The following METTL14 variants were observed in gnomAD, a reference collection of about 807,000 sequenced individuals.
METTL14 encodes N(6)-adenosine-methyltransferase non-catalytic subunit METTL14.
Under a neutral mutation model 62.4 loss-of-function variants are expected in METTL14, and 32 were observed. The observed-to-expected ratio is 0.51, with a 90% CI of 0.39 to 0.69. METTL14 has a LOEUF of 0.69. Among genes scored for constraint, METTL14 ranks in the 30% least tolerant of loss-of-function variants. The probability of loss-of-function intolerance (pLI) is 0.00; values close to 1 mark genes in which losing one functional copy is unlikely to be tolerated. For synonymous variants in METTL14, 150 were observed against 180.0 expected, an observed-to-expected ratio of 0.83 and a Z score of 1.34; for missense variants, 340 against 551.9, an observed-to-expected ratio of 0.62 and a Z score of 3.85.
At chr4:118,690,415 A>G (rs1198828867) in intron 3 of METTL14, among the ~76,000 whole-genome samples, 1 of 151,982 alleles carries the variant, frequency 6.6e-6, no homozygotes, top group Non-Finnish European at 1.5e-5. Context: ...GTGGTGCCTC[A>G]CGCTTGTAAT....
Position 118,703,942 on chromosome 4 carries a change from G to A in METTL14, c.746G>A (p.Arg249Gln). The change falls in exon 9 of 11, where the codon CGA becomes CAA. Residue 249 changes from arginine to glutamine, a missense_variant. By Grantham distance (43) the Arg-to-Gln change is conservative. Transcript: ENST00000388822. ...AAATTCTTTTGTTTCTAGTGTTTAC[G>A]AAAATGGGGTTACAGAAGATGTGAA... ...EGLDLGRVCL[R>Q]KWGYRRCEDI... is the part of the protein sequence containing the mutation. 1 of 1,551,276 alleles carries A rather than the reference G, an allele frequency of 6.4e-7. No individual in the cohort carries two copies. Among genetic ancestry groups the A allele is most frequent in the Non-Finnish European group, 8.7e-7 (1 of 1,153,758 alleles).
rs776391572 is a variant in METTL14, at chr4:118,685,565, C to T, written c.31C>T (p.Arg11Trp). The change falls in exon 1 of 11, where the codon CGG becomes TGG. Residue 11 changes from arginine to tryptophan, a missense_variant. Physicochemically the swap from Arg to Trp is moderately radical, Grantham distance 101. This residue lies in a region of METTL14 where 111 missense variants were observed against 116.6 expected (regional missense o/e 0.95). Coordinates refer to ENST00000388822, the MANE Select transcript of METTL14 (RefSeq NM_020961.4). Reference protein sequence around the residue: MDSRLQEIRERQKLRRQLLAQ... With the variant: MDSRLQEIREWQKLRRQLLAQ... ...TAGCCGCTTGCAGGAGATCCGGGAGCGGCAGAAGTTACGGCGACAGCTCCT... is the reference window on the plus strand; with the variant it reads ...TAGCCGCTTGCAGGAGATCCGGGAGTGGCAGAAGTTACGGCGACAGCTCCT... 1.9e-6 allele frequency: 3 copies of T among 1,614,144 alleles called. No homozygotes were observed. Among genetic ancestry groups the T allele is most frequent in the Non-Finnish European group, 2.5e-6 (3 of 1,180,010 alleles).
chr4:118,697,275 C>T lies in METTL14; in HGVS notation c.597C>T (p.Tyr199=), dbSNP rs1263929481. 3 of 1,610,952 alleles carry T rather than the reference C, an allele frequency of 1.9e-6. No individual in the cohort carries two copies. In the African/African-American group the frequency reaches 4.0e-5, roughly 22 times the overall value. The part of the protein sequence containing the change: ...ILLEPPLEEY[Y]RETGITANEK... ...TGGAACCCCCTTTAGAAGAATATTA[C>T]AGAGAAACTGGCATCACTGCTAATG... The change falls in exon 7 of 11, where the codon TAC becomes TAT. Residue 199 remains tyrosine, a synonymous_variant. Transcript: ENST00000388822.
intron 8 of METTL14, among the ~76,000 whole-genome samples, chr4:118,702,118 CT>C (rs70944803): frequency 0.27 from 34,080 of 128,436 alleles, 3,493 homozygotes; most frequent in Non-Finnish European, 0.33. Context: ...AGGTTTTTAT[CT>C]TTTTTTTTTT....
chr4:118,713,406 T>TA lies in METTL14; in HGVS notation c.*3105dup, dbSNP rs1198053524. On this transcript the variant is annotated 3_prime_UTR_variant, in exon 11 of 11. Coordinates refer to ENST00000388822, the MANE Select transcript of METTL14 (RefSeq NM_020961.4). ...ATTGCTAAATTATCTTTCAGTTAGT[T>TA]ACAGCGCTTAATTTAAAACCTGTAC... 2 of 152,220 alleles carry TA rather than the reference T, an allele frequency of 1.3e-5. No homozygotes were observed. Among genetic ancestry groups the TA allele is most frequent in the African/African-American group, 4.8e-5 (2 of 41,464 alleles). 9.4% of individuals were successfully genotyped at this position (152,220 alleles called of 1,614,324 possible). A position where few individuals can be genotyped will look rare whatever the true frequency, so the allele number is the denominator to read the frequency against.
chr4:118,698,962 T>C (rs75604802), intron 7 of METTL14, among the ~76,000 whole-genome samples: 1 of 152,106 alleles, frequency 6.6e-6, no homozygotes, highest in Non-Finnish European at 1.5e-5. Context: ...ACATTTACAT[T>C]TAAAGACTAC....
rs544676667 is a variant in METTL14, at chr4:118,714,707, C to T, written c.*4405C>T. 1 of 152,364 alleles carries T rather than the reference C, an allele frequency of 6.6e-6. No individual in the cohort carries two copies. Among genetic ancestry groups the T allele is most frequent in the South Asian group, 2.1e-4 (1 of 4,824 alleles). 9.4% of individuals were successfully genotyped at this position (152,364 alleles called of 1,614,324 possible). ...GTTGAAGCGATTCTTCTGCCTCAGC[C>T]TCCTGAGTAGCTGGAATTACAGGTG... On this transcript the variant is annotated 3_prime_UTR_variant, in exon 11 of 11. Transcript: ENST00000388822.
At chr4:118,691,878 A>G (rs1724257159) in intron 4 of METTL14, 103 bp from the exon 5 acceptor site, 2 of 746,956 alleles carry the variant, frequency 2.7e-6, no homozygotes, top group East Asian at 5.5e-5. Flanking sequence ...TAAATCTATC[A>G]ATTGATTGCA....
At chr4:118,705,923 C>A in intron 10 of METTL14, 102 bp downstream of exon 10, 1 of 911,162 alleles carries the variant, frequency 1.1e-6, no homozygotes, top group Non-Finnish European at 1.7e-6. Flanking sequence ...GCATTTGATT[C>A]CTTTTCTTGC....
At chr4:118,685,887 G>C (rs1724040323) in intron 1 of METTL14, among the ~76,000 whole-genome samples, 1 of 152,118 alleles carries the variant, frequency 6.6e-6, no homozygotes, top group Non-Finnish European at 1.5e-5. Context: ...GTTCACGCCA[G>C]GATGAGTGTC....
At chr4:118,699,577 A>C (rs1393841124) in intron 7 of METTL14, among the ~76,000 whole-genome samples, 1 of 152,198 alleles carries the variant, frequency 6.6e-6, no homozygotes, top group Non-Finnish European at 1.5e-5. Context: ...GTTTGCTCAA[A>C]AGAAAAAATT....
At chr4:118,697,110 T>C in intron 6 of METTL14, 72 bp from the exon 7 acceptor site, 2 of 1,139,682 alleles carry the variant, frequency 1.8e-6, no homozygotes, top group Non-Finnish European at 2.5e-6. Flanking sequence ...TTACCATCTG[T>C]TAAGGTACTT....
intron 10 of METTL14, among the ~76,000 whole-genome samples, chr4:118,706,552 C>T (rs1468352682): frequency 6.6e-6 from 1 of 152,188 alleles, no homozygotes; most frequent in Admixed American, 6.5e-5. Flanking sequence ...AATCTGTGTA[C>T]AGGTTTTTGT....
intron 7 of METTL14, among the ~76,000 whole-genome samples, chr4:118,700,182 A>G (rs1003895723): frequency 5.3e-5 from 8 of 152,150 alleles, no homozygotes; most frequent in African/African-American, 1.9e-4. Flanking sequence ...TGTCCCTAAC[A>G]TTGGGCTTAG....
chr4:118,686,140 C>T (rs143308435), intron 1 of METTL14, among the ~76,000 whole-genome samples: 247 of 152,274 alleles, frequency 1.6e-3, no homozygotes, highest in African/African-American at 5.6e-3. Context: ...CTGTGTTAGT[C>T]ACAATAATCT....
chr4:118,688,121 G>C, intron 2 of METTL14, 110 bp downstream of exon 2: 1 of 841,670 alleles, frequency 1.2e-6, no homozygotes, highest in Non-Finnish European at 1.8e-6. Context: ...CTGCAGCCTT[G>C]ACTCCTGGGC....
rs375650593 is a variant in METTL14 at position 118,692,146 on chromosome 4, T to G, written c.412+78T>G. On this transcript the variant is annotated intron_variant, in intron 5 of 10. Transcript: ENST00000388822. ...GTAATTTATCCAATTTGTGGATATTTCTAACAAAATTATTTCTCCAGCTTG... is the reference window on the plus strand; with the variant it reads ...GTAATTTATCCAATTTGTGGATATTGCTAACAAAATTATTTCTCCAGCTTG... 3.0e-5 allele frequency: 26 copies of G among 859,150 alleles called. 1 individual carries two copies. The African/African-American group carries it at 3.7e-4, about 12-fold the overall frequency. The allele number at this position is 859,150 out of a possible 1,614,324, so 53.2% of individuals were successfully genotyped here. A position where few individuals can be genotyped will look rare whatever the true frequency, so the allele number is the denominator to read the frequency against.
rs1725008506 is a variant in METTL14, at chr4:118,714,795, C to G, written c.*4493C>G. 1 of 152,232 alleles carries G rather than the reference C, an allele frequency of 6.6e-6. No individual in the cohort carries two copies. 9.4% of individuals were successfully genotyped at this position (152,232 alleles called of 1,614,324 possible). On this transcript the variant is annotated 3_prime_UTR_variant, in exon 11 of 11. Transcript: ENST00000388822. ...AGAGACAGGATTTCACCATGTTGGC[C>G]AGGCTGGTCTCAAACTCCCGACCTC...
At position 118,711,732 on chromosome 4, in the gene METTL14, TTA is replaced by T. The variant is rs781306702; in HGVS notation, c.*1432_*1433del. The stretch of plus-strand genomic sequence containing the variant: ...CAAGACCCCTTTTTTTTTGCTGAAA[TTA>T]TGGTATATTTTCAACTTCACTAATT... On this transcript the variant is annotated 3_prime_UTR_variant, in exon 11 of 11. Coordinates refer to ENST00000388822, the MANE Select transcript of METTL14 (RefSeq NM_020961.4). The T allele has an allele frequency of 5.3e-5, 8 of 152,108 alleles. No individual in the cohort carries two copies. The highest frequency in any genetic ancestry group is 3.2e-3 in the Middle Eastern group (1 of 316). The allele number at this position is 152,108 out of a possible 1,614,324, so 9.4% of individuals were successfully genotyped here. A position where few individuals can be genotyped will look rare whatever the true frequency, so the allele number is the denominator to read the frequency against.
Sources: allele counts gnomAD v4.1 joint callset (sites outside exome capture counted in the v4.1 genomes callset), GRCh38; gene constraint gnomAD v4.1.1; regional missense constraint gnomAD v4.1.1; transcripts MANE v1.5; gene names NCBI Gene and HGNC (gene_info 2026-07-23, HGNC 2026-07-21).